The following DPP10 variants were observed in gnomAD, a reference collection of about 807,000 sequenced individuals.
DPP10 encodes inactive dipeptidyl peptidase 10.
Under a neutral mutation model 120.9 loss-of-function variants are expected in DPP10, and 33 were observed. That is an observed-to-expected ratio of 0.27 (90% CI 0.21 to 0.37). The LOEUF (loss-of-function observed/expected upper bound fraction) is 0.37. Ranked by LOEUF, DPP10 falls within the 10% of genes least tolerant of loss-of-function variation. The pLI, the probability that DPP10 is intolerant of heterozygous loss-of-function variation, is 1.00. For synonymous variants in DPP10, 337 were observed against 326.1 expected (o/e 1.03, Z -0.36); for missense variants, 816 against 942.8 (o/e 0.87, Z 1.76).
intron 3 of DPP10, among the ~76,000 whole-genome samples, chr2:115,410,064 C>A (rs2068825985): frequency 1.3e-5 from 2 of 152,134 alleles, no homozygotes; most frequent in Non-Finnish European, 2.9e-5. Flanking sequence ...GGAAGGAATC[C>A]AGTTTCAATT....
chr2:115,747,198 G>T (rs145394491), intron 10 of DPP10, among the ~76,000 whole-genome samples: 1 of 152,270 alleles, frequency 6.6e-6, no homozygotes, highest in African/African-American at 2.4e-5. Context: ...AAATGATTTA[G>T]ATTAGGGGCT....
intron 5 of DPP10, among the ~76,000 whole-genome samples, chr2:115,679,253 C>T (rs2090488781): frequency 6.6e-6 from 1 of 152,006 alleles, no homozygotes; most frequent in Admixed American, 6.6e-5. Flanking sequence ...CAAATCTTGT[C>T]TTGAATTGTA....
intron 1 of DPP10, among the ~76,000 whole-genome samples, chr2:114,526,992 C>A (rs1685556573): frequency 6.6e-6 from 1 of 152,066 alleles, no homozygotes; most frequent in South Asian, 2.1e-4. Flanking sequence ...GATGTCATAC[C>A]ATTTGTACAC....
At chr2:114,849,139 A>G (rs905359388) in intron 1 of DPP10, among the ~76,000 whole-genome samples, 1 of 152,138 alleles carries the variant, frequency 6.6e-6, no homozygotes, top group African/African-American at 2.4e-5. Context: ...TCAGCCCTGG[A>G]TTAACTGGAT....
chr2:115,179,629 C>T (rs1052378274), intron 1 of DPP10, among the ~76,000 whole-genome samples: 3 of 152,092 alleles, frequency 2.0e-5, no homozygotes, highest in Admixed American at 1.3e-4. Flanking sequence ...TTGCAGAATT[C>T]TTTTATGTTT....
At chr2:114,940,627 T>C (rs1253876733) in intron 1 of DPP10, among the ~76,000 whole-genome samples, 3 of 151,838 alleles carry the variant, frequency 2.0e-5, no homozygotes, top group Non-Finnish European at 4.4e-5. Flanking sequence ...ATACACAGCA[T>C]AGCAAACCCC....
chr2:115,104,435 C>T (rs1430133330), intron 1 of DPP10, among the ~76,000 whole-genome samples: 6 of 152,118 alleles, frequency 3.9e-5, no homozygotes, highest in Admixed American at 2.6e-4. Flanking sequence ...TCTAGAGAAA[C>T]AATTCAAATG....
chr2:115,739,680 T>G, intron 8 of DPP10, 59 bp from the exon 9 acceptor site: 2 of 1,549,282 alleles, frequency 1.3e-6, no homozygotes, highest in Non-Finnish European at 1.8e-6. Context: ...GACAGATGTT[T>G]GTGGGTCACT....
intron 1 of DPP10, among the ~76,000 whole-genome samples, chr2:114,873,087 A>T (rs1308680885): frequency 2.6e-5 from 4 of 152,192 alleles, no homozygotes; most frequent in Non-Finnish European, 4.4e-5. Flanking sequence ...ATCGAAGGCC[A>T]CCATTTCATC....
chr2:115,584,156 G>A lies in DPP10; in HGVS notation c.441+58184G>A, dbSNP rs369024744. Among the ~76,000 whole-genome samples the A allele has an allele frequency of 3.3e-5, 5 of 152,244 alleles. No individual in the cohort carries two copies. In the East Asian group the frequency reaches 7.7e-4, roughly 24 times the overall value. On this transcript the variant is annotated intron_variant, in intron 5 of 25. Coordinates refer to ENST00000410059, the MANE Select transcript of DPP10 (RefSeq NM_020868.6). ...TTACCATATCAGGGTCCTTCTTGAA[G>A]TATTGTTTAACTTCTTTTTCTAACT...
At chr2:115,657,065 A>G (rs901141360) in intron 5 of DPP10, among the ~76,000 whole-genome samples, 1 of 151,722 alleles carries the variant, frequency 6.6e-6, no homozygotes, top group South Asian at 2.1e-4. Context: ...ATTGTAGATT[A>G]TACATTTTCC....
At chr2:115,135,392 TATTA>T (rs919904823) in intron 1 of DPP10, among the ~76,000 whole-genome samples, 2 of 152,084 alleles carry the variant, frequency 1.3e-5, no homozygotes, top group African/African-American at 4.8e-5. Flanking sequence ...ATAGAGAATA[TATTA>T]ATTATTACTT....
At chr2:115,666,175 G>A (rs540247728) in intron 5 of DPP10, among the ~76,000 whole-genome samples, 38 of 152,182 alleles carry the variant, frequency 2.5e-4, no homozygotes, top group African/African-American at 8.4e-4. Flanking sequence ...GTTCATTTAG[G>A]ATTGTTTTAG....
chr2:115,722,654 G>A (rs1246904579), intron 7 of DPP10, among the ~76,000 whole-genome samples: 5 of 151,976 alleles, frequency 3.3e-5, no homozygotes, highest in East Asian at 3.9e-4. Context: ...ATATAGACAC[G>A]TAGAAAAGAC....
chr2:115,773,413 T>C (rs1302202438), intron 13 of DPP10, among the ~76,000 whole-genome samples: 2 of 152,130 alleles, frequency 1.3e-5, no homozygotes, highest in Non-Finnish European at 2.9e-5. Flanking sequence ...TGGTGTCTAA[T>C]GCTCCAAATA....
At chr2:114,899,457 A>G (rs1212149537) in intron 1 of DPP10, among the ~76,000 whole-genome samples, 1 of 152,138 alleles carries the variant, frequency 6.6e-6, no homozygotes, top group Non-Finnish European at 1.5e-5. Context: ...CCCCTTCTCA[A>G]TTAAAATTCC....
At chr2:114,567,520 C>T (rs906276740) in intron 1 of DPP10, among the ~76,000 whole-genome samples, 9 of 152,038 alleles carry the variant, frequency 5.9e-5, no homozygotes, top group African/African-American at 1.4e-4. Flanking sequence ...AGCCAAGGAA[C>T]GTATGAGGCA....
At chr2:115,329,807 G>A (rs1439946831) in intron 2 of DPP10, among the ~76,000 whole-genome samples, 1 of 152,096 alleles carries the variant, frequency 6.6e-6, no homozygotes, top group Admixed American at 6.6e-5. Context: ...TGGTGTATAT[G>A]TACCACATTT....
chr2:114,785,837 C>T (rs1372236283), intron 1 of DPP10, among the ~76,000 whole-genome samples: 1 of 152,084 alleles, frequency 6.6e-6, no homozygotes, highest in Non-Finnish European at 1.5e-5. Flanking sequence ...GTAAAAGTTG[C>T]CTTGAACTAT....
Sources: allele counts gnomAD v4.1 joint callset (sites outside exome capture counted in the v4.1 genomes callset), GRCh38; gene constraint gnomAD v4.1.1; transcripts MANE v1.5; gene names NCBI Gene and HGNC (gene_info 2026-07-23, HGNC 2026-07-21).